PHKA1: variants seen among roughly 807,000 people sequenced by gnomAD.
The protein encoded by PHKA1 is phosphorylase kinase regulatory subunit alpha 1.
PHKA1 carries 60 observed loss-of-function variants against 110.2 expected under a neutral mutation model. That is an observed-to-expected ratio of 0.54 (90% CI 0.44 to 0.68). The LOEUF is 0.68. Among genes scored for constraint, PHKA1 ranks in the 30% least tolerant of loss-of-function variants. The pLI is 0.00. For missense variants in PHKA1, 801 were observed against 942.5 expected, an observed-to-expected ratio of 0.85 and a Z score of 1.97; for synonymous variants, 316 against 333.6, an observed-to-expected ratio of 0.95 and a Z score of 0.58.
chrX:72,588,364 G>T (rs1004011669), intron 29 of PHKA1, among the ~76,000 whole-genome samples: 13 of 111,856 alleles, frequency 1.2e-4, no homozygotes, highest in African/African-American at 4.2e-4. Context: ...AGAAATGAAG[G>T]TGTTCTTTGA....
At chrX:72,601,473 T>G in intron 28 of PHKA1, among the ~76,000 whole-genome samples, 1 of 110,795 alleles carries the variant, frequency 9.0e-6, no homozygotes, top group Non-Finnish European at 1.9e-5. Flanking sequence ...TTAACAGGAT[T>G]TTTGCTGAAG....
At chrX:72,631,659 G>A (rs782248130) in intron 16 of PHKA1, among the ~76,000 whole-genome samples, 2 of 107,269 alleles carry the variant, frequency 1.9e-5, no homozygotes, top group African/African-American at 6.8e-5. Context: ...CTAGCTTCCA[G>A]TCCAGGACAT....
At chrX:72,682,205 G>A (rs1278737514) in intron 5 of PHKA1, among the ~76,000 whole-genome samples, 1 of 88,260 alleles carries the variant, frequency 1.1e-5, no homozygotes, top group African/African-American at 4.2e-5. Context: ...GGAGGGAGGT[G>A]GGGGGGTCAG....
chrX:72,620,504 T>C lies in PHKA1; in HGVS notation c.2137+221A>G, dbSNP rs7056520. On this transcript the variant is annotated intron_variant, in intron 19 of 31. Transcript: ENST00000373542. Reference sequence around the variant, plus strand: ...CTGCCTCTTCTTACCATGTTACCAGTTAAACCAGACTACATAGCACTACCT... The same window carrying C: ...CTGCCTCTTCTTACCATGTTACCAGCTAAACCAGACTACATAGCACTACCT... 0.055 allele frequency among the ~76,000 whole-genome samples: 6,199 copies of C among 111,957 alleles called. 412 individuals carry two copies. The highest frequency in any genetic ancestry group is 0.19 in the African/African-American group (5,835 of 30,695).
At chrX:72,679,603 A>C (rs1045035749) in intron 5 of PHKA1, among the ~76,000 whole-genome samples, 7 of 111,370 alleles carry the variant, frequency 6.3e-5, no homozygotes, top group Admixed American at 1.9e-4. Context: ...ATATAGAAAA[A>C]TAGACTCAAA....
At chrX:72,710,846 TTTTTTATTTTTA>T (rs1569454722) in intron 2 of PHKA1, among the ~76,000 whole-genome samples, 1 of 105,922 alleles carries the variant, frequency 9.4e-6, no homozygotes, top group Non-Finnish European at 1.9e-5. Flanking sequence ...TTTTATTTTT[TTTTTTATTTTTA>T]TTTTTATTTT....
chrX:72,599,200 C>T (rs1176318433), intron 28 of PHKA1, among the ~76,000 whole-genome samples: 1 of 111,826 alleles, frequency 8.9e-6, no homozygotes, highest in Non-Finnish European at 1.9e-5. Flanking sequence ...AACCTAAATA[C>T]TAATATTGTT....
At position 72,611,024 on chromosome X, in the gene PHKA1, G is replaced by C. The variant is rs2052801845; in HGVS notation, c.2526+4C>G. 1 of 1,191,490 alleles carries C rather than the reference G, an allele frequency of 8.4e-7. No homozygotes were observed. The highest frequency in any genetic ancestry group is 1.7e-5 in the African/African-American group (1 of 57,323). On this transcript the variant is annotated splice_donor_region_variant and intron_variant, in intron 22 of 31. Transcript: ENST00000373542. The stretch of plus-strand genomic sequence containing the variant: ...TTTGGTATAAATTCAAGAATTTATA[G>C]TACCTCATCAAGTGCTTCCACTTTC...
intron 16 of PHKA1, among the ~76,000 whole-genome samples, chrX:72,631,099 C>T (rs781930235): frequency 1.0e-5 from 1 of 99,246 alleles, no homozygotes; most frequent in Non-Finnish European, 2.0e-5. Context: ...TGCTACTGGG[C>T]CTATCTAGTG....
Position 72,656,151 on chromosome X carries a change from A to G in PHKA1, c.1010T>C (p.Leu337Pro), listed in dbSNP as rs782783933. 8.3e-7 allele frequency: 1 copy of G among 1,210,587 alleles called. No homozygotes were observed. Among genetic ancestry groups the G allele is most frequent in the South Asian group, 1.8e-5 (1 of 56,956 alleles). ...TGCATTGCCACTGAAGACCCCATCA[A>G]GAATAAAGTATGTCCAGAACAATGG... ...EWPLFWTYFI[L>P]DGVFSGNAEQ... Residue 337 changes from leucine (L) to proline (P), a missense_variant, in exon 10 of 32, where the codon CTT becomes CCT. By Grantham distance (98) the Leu-to-Pro change is moderately conservative. Coordinates refer to ENST00000373542, the MANE Select transcript of PHKA1 (RefSeq NM_002637.4).
At chrX:72,630,311 G>A (rs2053147784) in intron 16 of PHKA1, among the ~76,000 whole-genome samples, 1 of 110,100 alleles carries the variant, frequency 9.1e-6, no homozygotes, top group Non-Finnish European at 1.9e-5. Context: ...GAGAGAGAGA[G>A]AGAGAGAGAG....
At chrX:72,631,035 A>T (rs2053159653) in intron 16 of PHKA1, among the ~76,000 whole-genome samples, 1 of 53,111 alleles carries the variant, frequency 1.9e-5, no homozygotes, top group Non-Finnish European at 3.4e-5. Context: ...TGTGTTGTTC[A>T]GAATGGGTGA....
chrX:72,633,574 G>C (rs1023795728), intron 16 of PHKA1, among the ~76,000 whole-genome samples: 2 of 111,593 alleles, frequency 1.8e-5, no homozygotes, highest in Admixed American at 9.5e-5. Flanking sequence ...CAATATCTGA[G>C]TTGGGTGTTG....
rs781819580 is a variant in PHKA1 at position 72,623,227 on chromosome X, T to C, written c.1842A>G (p.Thr614=). The C allele has an allele frequency of 8.3e-7, 1 of 1,210,275 alleles. No individual in the cohort carries two copies. Among genetic ancestry groups the C allele is most frequent in the South Asian group, 1.8e-5 (1 of 56,864 alleles). ...GTCCAGGGTCCATGAAGCTCAAGTGTGTGCAACAAGATGTTGTCAAAAACT... is the reference window on the plus strand; with the variant it reads ...GTCCAGGGTCCATGAAGCTCAAGTGCGTGCAACAAGATGTTGTCAAAAACT... ...LSEFLTTSCC[T]HLSFMDPGPE... The change falls in exon 18 of 32, where the codon ACA becomes ACG. Residue 614 remains threonine, a synonymous_variant. Transcript: ENST00000373542.
intron 8 of PHKA1, chrX:72,660,550 T>A: frequency 2.7e-6 from 1 of 373,479 alleles, no homozygotes; most frequent in African/African-American, 2.6e-5. Flanking sequence ...CCAATGTTCC[T>A]GTTGGTATAG....
intron 29 of PHKA1, among the ~76,000 whole-genome samples, chrX:72,586,216 G>T (rs1449635225): frequency 1.8e-5 from 2 of 112,048 alleles, no homozygotes; most frequent in African/African-American, 6.5e-5. Context: ...CTGAGACGAA[G>T]CTTCCAGAGG....
intron 8 of PHKA1, among the ~76,000 whole-genome samples, 163 bp downstream of exon 8, chrX:72,665,988 G>A (rs1263700794): frequency 2.7e-5 from 3 of 112,054 alleles, no homozygotes; most frequent in Non-Finnish European, 3.8e-5. Flanking sequence ...TACCAGGAAC[G>A]GCTGTAGAAG....
chrX:72,698,631 G>A (rs1166757289), intron 3 of PHKA1, among the ~76,000 whole-genome samples: 1 of 112,432 alleles, frequency 8.9e-6, no homozygotes, highest in Non-Finnish European at 1.9e-5. Context: ...CATTGATATG[G>A]GCTTAATGAA....
intron 28 of PHKA1, among the ~76,000 whole-genome samples, chrX:72,597,634 A>G (rs1217292879): frequency 1.8e-5 from 2 of 112,267 alleles, no homozygotes; most frequent in African/African-American, 6.5e-5. Context: ...TGGGGTATCC[A>G]TTATCTCAAG....
Sources: gnomAD v4.1 joint callset for allele counts (sites outside exome capture counted in the v4.1 genomes callset) on GRCh38, gnomAD v4.1.1 for gene constraint, MANE v1.5 for transcripts, NCBI Gene and HGNC (gene_info 2026-07-23, HGNC 2026-07-21) for gene names.